Variants in SDK1 observed in about 807,000 individuals in gnomAD.
SDK1 encodes protein sidekick-1.
Under a neutral mutation model 245.5 loss-of-function variants are expected in SDK1, and 157 were observed. That is an observed-to-expected ratio of 0.64 (90% CI 0.56 to 0.73). The LOEUF (loss-of-function observed/expected upper bound fraction) is 0.73. SDK1 is among the 30% of genes least tolerant of loss of function. SDK1 has a pLI of 0.00. For synonymous variants in SDK1, 1,647 were observed against 1,278.5 expected (o/e 1.29, Z -6.15); for missense variants, 3,583 against 3,002.3 (o/e 1.19, Z -4.52).
intron 40 of SDK1, among the ~76,000 whole-genome samples, chr7:4,224,766 A>C (rs564923395): frequency 3.9e-5 from 6 of 152,026 alleles, no homozygotes; most frequent in Non-Finnish European, 8.8e-5. Flanking sequence ...GGATCACTTG[A>C]GGTCAGGAGT....
Position 3,313,812 on chromosome 7 carries a change from T to C in SDK1, c.298+11928T>C, listed in dbSNP as rs559267593. ...AGTTGCTAAAAGTAAATTTTAAGTA[T>C]TCCTACCACAAAAAAGTATGTGAAG... On this transcript the variant is annotated intron_variant, in intron 1 of 44. Transcript: ENST00000404826. 2.0e-5 allele frequency among the ~76,000 whole-genome samples: 3 copies of C among 152,348 alleles called. No individual in the cohort carries two copies. The East Asian group carries it at 5.8e-4, about 29-fold the overall frequency.
intron 11 of SDK1, among the ~76,000 whole-genome samples, 164 bp from the exon 12 acceptor site, chr7:3,971,302 T>G (rs1385074366): frequency 6.6e-6 from 1 of 152,208 alleles, no homozygotes; most frequent in Non-Finnish European, 1.5e-5. Flanking sequence ...TGCTTGTTTT[T>G]AACTCCCCTA....
At chr7:3,558,955 C>G (rs1779669480) in intron 1 of SDK1, among the ~76,000 whole-genome samples, 1 of 152,122 alleles carries the variant, frequency 6.6e-6, no homozygotes. Context: ...CTCAAGACTA[C>G]TTAGATTGTT....
chr7:4,101,565 G>A (rs1782547766), intron 22 of SDK1, among the ~76,000 whole-genome samples: 1 of 152,226 alleles, frequency 6.6e-6, no homozygotes, highest in Admixed American at 6.5e-5. Flanking sequence ...AGGCTGTGGA[G>A]GAGACCCCAC....
intron 1 of SDK1, among the ~76,000 whole-genome samples, chr7:3,474,681 T>G (rs1781297636): frequency 6.6e-6 from 1 of 152,064 alleles, no homozygotes; most frequent in South Asian, 2.1e-4. Flanking sequence ...ATCTCGCACC[T>G]GGGTCATTAC....
intron 5 of SDK1, among the ~76,000 whole-genome samples, chr7:3,883,554 G>C (rs1030302132): frequency 6.6e-6 from 1 of 152,146 alleles, no homozygotes; most frequent in African/African-American, 2.4e-5. Context: ...GGGCACATGG[G>C]GACCAACAGA....
chr7:4,047,427 G>A (rs1378579140), intron 17 of SDK1, among the ~76,000 whole-genome samples: 2 of 152,018 alleles, frequency 1.3e-5, no homozygotes, highest in African/African-American at 4.8e-5. Flanking sequence ...TTGAATTTGT[G>A]TTCATGATGG....
chr7:3,740,569 A>G (rs1242601973), intron 4 of SDK1, among the ~76,000 whole-genome samples: 1 of 152,172 alleles, frequency 6.6e-6, no homozygotes, highest in African/African-American at 2.4e-5. Flanking sequence ...ATAAAATAGT[A>G]AGAATTATCT....
chr7:3,582,590 G>C (rs1179409057), intron 1 of SDK1, among the ~76,000 whole-genome samples: 5 of 146,462 alleles, frequency 3.4e-5, no homozygotes, highest in Non-Finnish European at 7.4e-5. Context: ...ACTAGGCTTT[G>C]TACCTGGGTG....
chr7:3,870,397 G>C lies in SDK1; in HGVS notation c.847+48814G>C, dbSNP rs147579937. On this transcript the variant is annotated intron_variant, in intron 5 of 44. Transcript: ENST00000404826. The stretch of plus-strand genomic sequence containing the variant: ...CAGGAGTAAAAGGAGTGCTCAATAA[G>C]GATGTAGGTGTTATACTGAACAAGA... 6.7e-3 allele frequency among the ~76,000 whole-genome samples: 1,016 copies of C among 152,206 alleles called. 10 individuals carry two copies. Among genetic ancestry groups the C allele is most frequent in the African/African-American group, 0.023 (945 of 41,534 alleles).
At chr7:3,784,858 T>C (rs1780851691) in intron 4 of SDK1, among the ~76,000 whole-genome samples, 1 of 152,184 alleles carries the variant, frequency 6.6e-6, no homozygotes, top group Admixed American at 6.5e-5. Context: ...CTCTGGGCAT[T>C]TACCGAAAAG....
At chr7:3,763,073 T>C (rs1184905024) in intron 4 of SDK1, among the ~76,000 whole-genome samples, 2 of 152,182 alleles carry the variant, frequency 1.3e-5, no homozygotes, top group Non-Finnish European at 2.9e-5. Context: ...ACATAGGACA[T>C]TATTTTGACA....
At chr7:3,916,725 A>G (rs1053331044) in intron 5 of SDK1, among the ~76,000 whole-genome samples, 3 of 152,250 alleles carry the variant, frequency 2.0e-5, no homozygotes, top group Admixed American at 6.5e-5. Flanking sequence ...TATGTATTAG[A>G]GAAATTTAGC....
In SDK1 at chr7:3,601,989, T is replaced by C. The variant is rs545468692; in HGVS notation, c.299-17091T>C. ...GATGGTTTCCAGTTTCATCCATGTC[T>C]CTACAAAGGACATGAACTCATCCTT... is the stretch of plus-strand genomic sequence containing the variant. On this transcript the variant is annotated intron_variant, in intron 1 of 44. Transcript: ENST00000404826. Among the ~76,000 whole-genome samples the C allele has an allele frequency of 6.9e-3, 1,050 of 151,996 alleles. 14 individuals are homozygous for C. The highest frequency in any genetic ancestry group is 0.025 in the African/African-American group (1,015 of 41,400).
At chr7:3,791,080 G>C (rs10236726) in intron 4 of SDK1, among the ~76,000 whole-genome samples, 1 of 151,636 alleles carries the variant, frequency 6.6e-6, no homozygotes, top group Non-Finnish European at 1.5e-5. Flanking sequence ...CCTGGGGAGT[G>C]ACAAAAATTA....
intron 35 of SDK1, among the ~76,000 whole-genome samples, chr7:4,202,736 A>T (rs1028792378): frequency 7.9e-5 from 12 of 152,282 alleles, no homozygotes; most frequent in Non-Finnish European, 1.0e-4. Context: ...CTCCTCCACC[A>T]AATGCCACGT....
intron 5 of SDK1, among the ~76,000 whole-genome samples, chr7:3,834,632 A>G (rs1433801987): frequency 6.6e-6 from 1 of 152,174 alleles, no homozygotes; most frequent in African/African-American, 2.4e-5. Flanking sequence ...CTTGTTATAA[A>G]TATCAGTGCC....
rs770923633 is a variant in SDK1 at position 4,017,280 on chromosome 7, C to T, written c.2530C>T (p.Gln844Ter). Residue 844 changes from glutamine (Q) to a stop codon, truncating the protein, a stop_gained, in exon 17 of 45, where the codon CAG becomes TAG. Coordinates refer to ENST00000404826, the MANE Select transcript of SDK1 (RefSeq NM_152744.4). LOFTEE classifies it high-confidence loss of function. ...DLIIWTQYEI[Q>*]VAAYNGAGLG... ...GATCATCTGGACACAGTATGAGATA[C>T]AGGTGGCGGCGTACAACGGGGCCGG... 1 of 1,613,882 alleles carries T rather than the reference C, an allele frequency of 6.2e-7. No individual in the cohort carries two copies. The highest frequency in any genetic ancestry group is 1.3e-5 in the African/African-American group (1 of 74,912).
chr7:3,324,656 C>G (rs1036362900), intron 1 of SDK1, among the ~76,000 whole-genome samples: 4 of 152,064 alleles, frequency 2.6e-5, no homozygotes, highest in African/African-American at 9.7e-5. Context: ...GCACTCAAAG[C>G]AAAAGTAGGC....
Sources: gnomAD v4.1 joint callset for allele counts (sites outside exome capture counted in the v4.1 genomes callset) on GRCh38, gnomAD v4.1.1 for gene constraint, MANE v1.5 for transcripts, NCBI Gene and HGNC (gene_info 2026-07-23, HGNC 2026-07-21) for gene names.